The following MRTFA variants were observed in gnomAD, a reference collection of about 807,000 sequenced individuals.
MRTFA encodes myocardin-related transcription factor A.
A neutral mutation model predicts 83.5 loss-of-function variants in MRTFA; 20 were observed. That is an observed-to-expected ratio of 0.24 (90% CI 0.17 to 0.35). The LOEUF (loss-of-function observed/expected upper bound fraction) is 0.35, where lower values mean the gene tolerates loss of function less well. Among genes scored for constraint, MRTFA ranks in the 10% least tolerant of loss-of-function variants. The pLI is 1.00. For missense variants in MRTFA, 1,200 were observed against 1,224.7 expected, an observed-to-expected ratio of 0.98 and a Z score of 0.30; for synonymous variants, 659 against 541.2, an observed-to-expected ratio of 1.22 and a Z score of -3.02.
chr22:40,615,276 G>GC (rs2056435528), intron 1 of MRTFA, among the ~76,000 whole-genome samples: 1 of 152,132 alleles, frequency 6.6e-6, no homozygotes, highest in African/African-American at 2.4e-5. Flanking sequence ...TTATGTTTGC[G>GC]CTATTGCTGA....
At chr22:40,590,374 A>G (rs555879322) in intron 2 of MRTFA, among the ~76,000 whole-genome samples, 2 of 152,202 alleles carry the variant, frequency 1.3e-5, no homozygotes, top group Admixed American at 1.3e-4. Flanking sequence ...AAGCCTTTAA[A>G]AAGCTCCAGT....
intron 4 of MRTFA, among the ~76,000 whole-genome samples, chr22:40,456,454 G>A (rs1398864477): frequency 1.3e-5 from 2 of 152,190 alleles, no homozygotes; most frequent in Non-Finnish European, 2.9e-5. Context: ...TTGGGAGGCC[G>A]AGACAAGCAG....
Position 40,418,719 on chromosome 22 carries a change from G to C in MRTFA, c.2019C>G (p.Thr673=). 6.8e-7 allele frequency: 1 copy of C among 1,472,116 alleles called. No homozygotes were observed. The highest frequency in any genetic ancestry group is 9.0e-7 in the Non-Finnish European group (1 of 1,116,928). 91.2% of individuals were successfully genotyped at this position (1,472,116 alleles called of 1,614,324 possible). Residue 673 remains threonine (T), a synonymous_variant, in exon 12 of 15, where the codon ACC becomes ACG. Coordinates refer to ENST00000355630, the MANE Select transcript of MRTFA (RefSeq NM_020831.6). ...AGAAGCTGTTCTCCTGCTTCACGGG[G>C]GTGCCGAGGGGGGCGGGGGCGGGGG...
chr22:40,498,278 T>TATATATATATATTTATATATATA (rs2054395334), intron 3 of MRTFA, among the ~76,000 whole-genome samples: 2 of 95,562 alleles, frequency 2.1e-5, no homozygotes, highest in South Asian at 4.1e-4. Context: ...TATATATTTT[T>TATATATATATATTTATATATATA]TTTTTTTTTT....
chr22:40,429,228 G>T, intron 7 of MRTFA: 1 of 591,898 alleles, frequency 1.7e-6, no homozygotes, highest in Non-Finnish European at 3.0e-6. Flanking sequence ...TCCAAGAAGA[G>T]ACTTCACTAA....
At chr22:40,435,226 C>G (rs535079064) in intron 5 of MRTFA, among the ~76,000 whole-genome samples, 2 of 152,188 alleles carry the variant, frequency 1.3e-5, no homozygotes. Flanking sequence ...CAAGGAGGAT[C>G]GGGTGATCAT....
In MRTFA at chr22:40,466,969, G is replaced by GTGTA. The variant is rs143933140; in HGVS notation, c.242-3684_242-3683insTACA. On this transcript the variant is annotated intron_variant, in intron 3 of 14. Transcript: ENST00000355630. ...ACACAACCGTGTATATATTATGCAT[G>GTGTA]TATATATATATATATATTTATACAC... Among the ~76,000 whole-genome samples, 940 of 150,060 alleles carry GTGTA rather than the reference G, an allele frequency of 6.3e-3. 6 individuals carry two copies. The highest frequency in any genetic ancestry group is 0.018 in the African/African-American group (722 of 40,876).
chr22:40,489,675 C>T (rs1308652288), intron 3 of MRTFA, among the ~76,000 whole-genome samples: 3 of 152,014 alleles, frequency 2.0e-5, no homozygotes, highest in Non-Finnish European at 4.4e-5. Context: ...AGGTTCTAAG[C>T]ACACTATAAA....
chr22:40,511,674 A>G (rs768377804), intron 3 of MRTFA, among the ~76,000 whole-genome samples: 25 of 152,026 alleles, frequency 1.6e-4, no homozygotes, highest in Admixed American at 5.2e-4. Flanking sequence ...TGAAAGAATA[A>G]CACAAAGGTG....
chr22:40,497,540 G>A (rs1340439123), intron 3 of MRTFA, among the ~76,000 whole-genome samples: 1 of 150,372 alleles, frequency 6.7e-6, no homozygotes, highest in Admixed American at 6.6e-5. Flanking sequence ...GGATCACAAG[G>A]TCAGGAGTTC....
intron 2 of MRTFA, among the ~76,000 whole-genome samples, chr22:40,577,652 G>A (rs1451990267): frequency 8.7e-6 from 1 of 115,426 alleles, no homozygotes; most frequent in Non-Finnish European, 1.8e-5. Flanking sequence ...CCCTCTTATT[G>A]CCCAGGCTGG....
At chr22:40,420,283 T>C (rs982153570) in intron 11 of MRTFA, 122 bp downstream of exon 11, 27 of 1,174,624 alleles carry the variant, frequency 2.3e-5, no homozygotes, top group Middle Eastern at 4.8e-4. Context: ...AAAGCCCTGC[T>C]CTGCTTTCCA....
intron 1 of MRTFA, among the ~76,000 whole-genome samples, chr22:40,615,127 G>A (rs1346617800): frequency 6.6e-6 from 1 of 151,644 alleles, no homozygotes; most frequent in African/African-American, 2.4e-5. Context: ...CTTTTAGTTT[G>A]TATGTTTAGG....
intron 1 of MRTFA, among the ~76,000 whole-genome samples, chr22:40,627,459 T>C (rs1451954581): frequency 6.6e-6 from 1 of 152,204 alleles, no homozygotes; most frequent in African/African-American, 2.4e-5. Flanking sequence ...GTGAGGTTAC[T>C]ATTATAGTTT....
chr22:40,528,549 C>A (rs1210290805), intron 3 of MRTFA, among the ~76,000 whole-genome samples: 1 of 151,842 alleles, frequency 6.6e-6, no homozygotes, highest in African/African-American at 2.4e-5. Context: ...ACCAGCCTGA[C>A]CAACATGGAG....
At chr22:40,569,756 CATACATACATA>C (rs1569333058) in intron 2 of MRTFA, 13 of 151,298 alleles carry the variant, frequency 8.6e-5, no homozygotes, top group African/African-American at 2.2e-4. Context: ...TACATACATA[CATACATACATA>C]CATACATACA....
chr22:40,599,374 C>A (rs1234296915), intron 1 of MRTFA, among the ~76,000 whole-genome samples: 3 of 152,174 alleles, frequency 2.0e-5, no homozygotes, highest in Non-Finnish European at 4.4e-5. Context: ...TACATACGCA[C>A]ATAGACTCTC....
chr22:40,495,911 T>C (rs530905757), intron 3 of MRTFA, among the ~76,000 whole-genome samples: 234 of 150,414 alleles, frequency 1.6e-3, no homozygotes, highest in African/African-American at 4.4e-3. Flanking sequence ...ACTAAAAATA[T>C]AAAAGTTAGC....
intron 2 of MRTFA, among the ~76,000 whole-genome samples, chr22:40,580,566 A>G (rs1204848710): frequency 6.6e-6 from 1 of 152,222 alleles, no homozygotes; most frequent in East Asian, 1.9e-4. Context: ...AAACCCAAAT[A>G]TAACAATTTA....
Sources: gnomAD v4.1 joint callset for allele counts (sites outside exome capture counted in the v4.1 genomes callset) on GRCh38, gnomAD v4.1.1 for gene constraint, MANE v1.5 for transcripts, NCBI Gene and HGNC (gene_info 2026-07-23, HGNC 2026-07-21) for gene names.